The following PDE7B variants were observed in gnomAD, a reference collection of about 807,000 sequenced individuals.
PDE7B encodes the protein phosphodiesterase 7B, also known as 3',5'-cyclic-AMP phosphodiesterase 7B.
PDE7B carries 29 observed loss-of-function variants against 56.2 expected under a neutral mutation model. The ratio of observed to expected loss-of-function variants is 0.52; its 90% CI spans 0.38 to 0.70. PDE7B has a LOEUF of 0.70. PDE7B is among the 30% of genes least tolerant of loss of function. PDE7B has a pLI of 0.00. For synonymous variants in PDE7B, 197 were observed against 196.9 expected (o/e 1.00, Z 0.00); for missense variants, 490 against 565.0 (o/e 0.87, Z 1.35).
At chr6:136,152,761 A>ACTTAATGC (rs1301573806) in intron 6 of PDE7B, among the ~76,000 whole-genome samples, 1 of 152,210 alleles carries the variant, frequency 6.6e-6, no homozygotes, top group Non-Finnish European at 1.5e-5. Context: ...TTGGAGGCTG[A>ACTTAATGC]CTTAATGCCA....
chr6:135,869,007 A>G (rs918426225), intron 1 of PDE7B, among the ~76,000 whole-genome samples: 1 of 152,174 alleles, frequency 6.6e-6, no homozygotes, highest in Non-Finnish European at 1.5e-5. Context: ...AAGCCATTGA[A>G]ATGATCATCT....
intron 1 of PDE7B, among the ~76,000 whole-genome samples, chr6:135,876,975 G>A (rs2128187919): frequency 6.6e-6 from 1 of 151,092 alleles, no homozygotes; most frequent in Admixed American, 6.6e-5. Flanking sequence ...TTCCAGTTCA[G>A]TATTTTATTG....
chr6:136,107,605 T>C (rs1364901163), intron 2 of PDE7B, among the ~76,000 whole-genome samples: 3 of 152,152 alleles, frequency 2.0e-5, no homozygotes, highest in Non-Finnish European at 4.4e-5. Context: ...TTTTAGCTTC[T>C]CTGACAAGGA....
chr6:136,136,071 T>C lies in PDE7B; in HGVS notation c.167-11280T>C, dbSNP rs1170969740. Among the ~76,000 whole-genome samples, 9 of 152,134 alleles carry C rather than the reference T, an allele frequency of 5.9e-5. No homozygotes were observed. The East Asian group carries it at 1.5e-3, about 26-fold the overall frequency. On this transcript the variant is annotated intron_variant, in intron 3 of 12. Coordinates refer to ENST00000308191, the MANE Select transcript of PDE7B (RefSeq NM_018945.4). ...CTCATGTATGCTTTCAAGAAAACTG[T>C]CATCCTAGACAACACTAACCTTTTA...
chr6:136,139,867 T>TCTG (rs1778287949), intron 3 of PDE7B, among the ~76,000 whole-genome samples: 2 of 152,234 alleles, frequency 1.3e-5, no homozygotes, highest in Admixed American at 6.5e-5. Flanking sequence ...ATTCTGGATA[T>TCTG]TAGCCCTTTG....
At chr6:136,004,950 A>G (rs900561038) in intron 2 of PDE7B, among the ~76,000 whole-genome samples, 7 of 152,224 alleles carry the variant, frequency 4.6e-5, no homozygotes, top group Non-Finnish European at 1.0e-4. Flanking sequence ...CTGACTTCAA[A>G]CTATACTACA....
chr6:136,175,282 A>G (rs1019956210), intron 9 of PDE7B, among the ~76,000 whole-genome samples: 1 of 152,208 alleles, frequency 6.6e-6, no homozygotes, highest in Non-Finnish European at 1.5e-5. Flanking sequence ...TATCATAATC[A>G]TTATTATTCC....
intron 8 of PDE7B, among the ~76,000 whole-genome samples, chr6:136,172,870 G>A (rs1260066741): frequency 6.6e-6 from 1 of 152,118 alleles, no homozygotes; most frequent in Admixed American, 6.6e-5. Flanking sequence ...CAGACAAACA[G>A]AGAGCCAAAT....
chr6:136,020,011 G>A (rs1776043828), intron 2 of PDE7B, among the ~76,000 whole-genome samples: 2 of 152,140 alleles, frequency 1.3e-5, no homozygotes, highest in African/African-American at 4.8e-5. Context: ...TGTTATTCAA[G>A]GGTCAACTGT....
intron 2 of PDE7B, among the ~76,000 whole-genome samples, chr6:136,012,308 C>G (rs1190792765): frequency 6.6e-6 from 1 of 152,088 alleles, no homozygotes; most frequent in Non-Finnish European, 1.5e-5. Context: ...GTTTCTGGCC[C>G]CCACACTGTG....
intron 3 of PDE7B, among the ~76,000 whole-genome samples, chr6:136,110,155 T>C (rs1215333904): frequency 6.6e-6 from 1 of 152,120 alleles, no homozygotes; most frequent in Non-Finnish European, 1.5e-5. Flanking sequence ...CTTGGAGTAA[T>C]TCTTTCCACA....
At position 136,192,215 on chromosome 6, in the gene PDE7B, A is replaced by G; in HGVS notation, c.*375A>G. On this transcript the variant is annotated 3_prime_UTR_variant, in exon 13 of 13. Coordinates refer to ENST00000308191, the MANE Select transcript of PDE7B (RefSeq NM_018945.4). The stretch of plus-strand genomic sequence containing the variant: ...AGTCCGGAGCGTTTGAGCGTTTGCT[A>G]TCTGACTGCTGATCTGCGTGACAGA... The G allele has an allele frequency of 4.2e-6, 1 of 238,964 alleles. No individual in the cohort carries two copies. The highest frequency in any genetic ancestry group is 6.5e-5 in the South Asian group (1 of 15,382). 14.8% of individuals were successfully genotyped at this position (238,964 alleles called of 1,614,324 possible).
intron 2 of PDE7B, among the ~76,000 whole-genome samples, chr6:136,005,851 C>T (rs1014914734): frequency 6.6e-6 from 1 of 152,106 alleles, no homozygotes; most frequent in Non-Finnish European, 1.5e-5. Flanking sequence ...CATCCCATTA[C>T]TGAGTATATA....
rs1322140866 is a variant in PDE7B, at chr6:135,886,050, A to G, written c.21+34031A>G. ...TTGCTGCTAGTTTCTTGCCTAACCT[A>G]ATATCAACCCCCGTCACATTTTCTG... On this transcript the variant is annotated intron_variant, in intron 1 of 12. Transcript: ENST00000308191. Among the ~76,000 whole-genome samples, 4 of 152,186 alleles carry G rather than the reference A, an allele frequency of 2.6e-5. No homozygotes were observed. In the East Asian group the frequency reaches 5.8e-4, roughly 22 times the overall value.
intron 2 of PDE7B, among the ~76,000 whole-genome samples, chr6:136,068,674 A>C (rs1022874754): frequency 1.3e-5 from 2 of 151,588 alleles, no homozygotes; most frequent in African/African-American, 4.8e-5. Context: ...CTTGTGATCC[A>C]CCCGCCTCGG....
intron 2 of PDE7B, among the ~76,000 whole-genome samples, chr6:136,092,148 G>GGT (rs1375055096): frequency 6.6e-6 from 1 of 152,134 alleles, no homozygotes; most frequent in African/African-American, 2.4e-5. Context: ...ACTTAGAATA[G>GGT]GTATTCAATG....
At chr6:135,952,144 G>A (rs902853318) in intron 2 of PDE7B, among the ~76,000 whole-genome samples, 5 of 152,100 alleles carry the variant, frequency 3.3e-5, no homozygotes, top group African/African-American at 1.2e-4. Context: ...TGTTCTATGA[G>A]GAGAAGCCTG....
At chr6:136,024,880 A>G (rs1776125592) in intron 2 of PDE7B, among the ~76,000 whole-genome samples, 1 of 152,208 alleles carries the variant, frequency 6.6e-6, no homozygotes, top group African/African-American at 2.4e-5. Context: ...GTTAGAGATA[A>G]GAAAGTTGCA....
At chr6:135,962,691 A>G (rs542958638) in intron 2 of PDE7B, among the ~76,000 whole-genome samples, 7 of 152,302 alleles carry the variant, frequency 4.6e-5, no homozygotes, top group African/African-American at 1.2e-4. Flanking sequence ...GCATAAATAG[A>G]GAGGTGGTTG....
Sources: allele counts gnomAD v4.1 joint callset (sites outside exome capture counted in the v4.1 genomes callset), GRCh38; gene constraint gnomAD v4.1.1; transcripts MANE v1.5; gene names NCBI Gene and HGNC (gene_info 2026-07-23, HGNC 2026-07-21).